PRH1: variants seen among roughly 807,000 people sequenced by gnomAD.
PRH1 encodes the protein salivary acidic proline-rich phosphoprotein 1/2.
A neutral mutation model predicts 7.9 loss-of-function variants in PRH1; 7 were observed. The ratio of observed to expected loss-of-function variants is 0.89; its 90% CI spans 0.50 to 1.67. The LOEUF is 1.67. Ranked by LOEUF, PRH1 falls within the 40% of genes most tolerant of loss-of-function variation. The pLI, the probability that PRH1 is intolerant of heterozygous loss-of-function variation, is 0.00. For synonymous variants in PRH1, 45 were observed against 80.8 expected (o/e 0.56, Z 2.38); for missense variants, 109 against 223.6 (o/e 0.49, Z 3.27).
At chr12:10,967,012 G>A in intron 2 of PRH1, among the ~76,000 whole-genome samples, 1 of 151,854 alleles carries the variant, frequency 6.6e-6, no homozygotes, top group South Asian at 2.1e-4. Flanking sequence ...CTACTTGGGA[G>A]GCTGAGGCAG....
At chr12:11,037,711 T>C (rs1343437213) in intron 1 of PRH1, among the ~76,000 whole-genome samples, 1 of 152,240 alleles carries the variant, frequency 6.6e-6, no homozygotes, top group Non-Finnish European at 1.5e-5. Context: ...GGATTTACAG[T>C]TCTTGCTTAT....
chr12:11,136,185 A>G (rs1464230393), intron 1 of PRH1, among the ~76,000 whole-genome samples: 3 of 152,188 alleles, frequency 2.0e-5, no homozygotes, highest in Non-Finnish European at 4.4e-5. Flanking sequence ...ATGCAACCCT[A>G]AACTCCATCG....
At chr12:11,108,089 C>T (rs1313008525) in intron 1 of PRH1, among the ~76,000 whole-genome samples, 3 of 152,104 alleles carry the variant, frequency 2.0e-5, no homozygotes, top group African/African-American at 7.2e-5. Context: ...AGAAAATATC[C>T]TTCAAACGTG....
At chr12:11,014,100 AT>A (rs1941184344) in intron 1 of PRH1, among the ~76,000 whole-genome samples, 1 of 152,210 alleles carries the variant, frequency 6.6e-6, no homozygotes, top group South Asian at 2.1e-4. Context: ...ATATGCCAAC[AT>A]GCGTGAATAA....
At chr12:10,909,415 C>T in intron 2 of PRH1, 1 of 699,330 alleles carries the variant, frequency 1.4e-6, no homozygotes, top group Non-Finnish European at 2.4e-6. Context: ...TTTTCTGCTC[C>T]TTCTTTCATT....
chr12:11,072,899 G>A (rs1350058257), intron 1 of PRH1, among the ~76,000 whole-genome samples: 1 of 151,418 alleles, frequency 6.6e-6, no homozygotes, highest in African/African-American at 2.4e-5. Context: ...TCTGCTCTCA[G>A]TTTAATTTAC....
intron 1 of PRH1, among the ~76,000 whole-genome samples, chr12:10,998,585 T>G (rs563780025): frequency 1.3e-5 from 2 of 152,218 alleles, no homozygotes; most frequent in East Asian, 3.9e-4. Flanking sequence ...GGAATTGCTT[T>G]CTTGTAACTT....
chr12:11,041,288 C>CAAAAAAAAAA (rs67144212), intron 1 of PRH1, among the ~76,000 whole-genome samples: 5 of 81,374 alleles, frequency 6.1e-5, no homozygotes, highest in African/African-American at 2.7e-4. Context: ...CAATGCAAAC[C>CAAAAAAAAAA]AAAAAAAAAA....
intron 2 of PRH1, among the ~76,000 whole-genome samples, chr12:10,924,026 C>T (rs1011457874): frequency 1.8e-5 from 2 of 111,248 alleles, no homozygotes; most frequent in African/African-American, 3.3e-5. Flanking sequence ...GACGGAGTCT[C>T]GCTCTGTCGC....
rs1181851593 is a variant in PRH1 at position 11,082,596 on chromosome 12, T to C, written n.124-35408A>G. The stretch of plus-strand genomic sequence containing the variant: ...GCTGGGATTACAGACATGAGCCACT[T>C]TGCCCAGCATAATTCCGATATTATT... On this transcript the variant is annotated intron_variant and non_coding_transcript_variant, in intron 1 of 4. Transcript: ENST00000541977. Among the ~76,000 whole-genome samples the C allele has an allele frequency of 1.8e-5, 2 of 113,636 alleles. 1 individual carries two copies. Among genetic ancestry groups the C allele is most frequent in the African/African-American group, 5.9e-5 (2 of 33,904 alleles). The allele number at this position is 113,636 out of a possible 152,430, so 74.5% of individuals were successfully genotyped here.
At chr12:11,021,831 T>G in intron 1 of PRH1, 1 of 1,614,274 alleles carries the variant, frequency 6.2e-7, no homozygotes, top group Non-Finnish European at 8.5e-7. Context: ...TCCAAGTTGA[T>G]GTGATTATAC....
chr12:11,110,345 G>C (rs1945551766), intron 1 of PRH1, among the ~76,000 whole-genome samples: 1 of 152,012 alleles, frequency 6.6e-6, no homozygotes, highest in African/African-American at 2.4e-5. Context: ...CTTGAGAAGA[G>C]CACCCAAAAA....
chr12:10,939,843 A>G (rs1266587697), intron 2 of PRH1, among the ~76,000 whole-genome samples: 1 of 152,152 alleles, frequency 6.6e-6, no homozygotes, highest in African/African-American at 2.4e-5. Context: ...AGTAACTTTC[A>G]AATATTCTCA....
intron 2 of PRH1, chr12:10,932,106 G>A: frequency 3.4e-6 from 1 of 293,262 alleles, no homozygotes; most frequent in South Asian, 3.0e-5. Flanking sequence ...GAGGGGGGCT[G>A]TAGAAGGGAT....
At chr12:11,134,534 A>G (rs1450298346) in intron 1 of PRH1, 4 of 349,010 alleles carry the variant, frequency 1.1e-5, no homozygotes, top group Non-Finnish European at 1.5e-5. Flanking sequence ...TCATACTGAA[A>G]TTGACATGAA....
chr12:11,007,986 T>C (rs1206170698), intron 1 of PRH1, among the ~76,000 whole-genome samples: 1 of 152,098 alleles, frequency 6.6e-6, no homozygotes, highest in Non-Finnish European at 1.5e-5. Flanking sequence ...TAGAAATACT[T>C]TGCTAAGCCA....
intron 2 of PRH1, among the ~76,000 whole-genome samples, chr12:10,889,604 A>G (rs1949542150): frequency 6.6e-6 from 1 of 152,152 alleles, no homozygotes; most frequent in Non-Finnish European, 1.5e-5. Context: ...TCCTTTTTCA[A>G]CATCAACCTC....
At chr12:11,165,338 T>C (rs1947542314) in intron 1 of PRH1, among the ~76,000 whole-genome samples, 1 of 152,156 alleles carries the variant, frequency 6.6e-6, no homozygotes, top group Non-Finnish European at 1.5e-5. Flanking sequence ...CATTTTTCTG[T>C]TTGAATAATA....
chr12:11,138,294 T>A (rs1353193645), intron 1 of PRH1, among the ~76,000 whole-genome samples: 1 of 151,876 alleles, frequency 6.6e-6, no homozygotes, highest in African/African-American at 2.4e-5. Flanking sequence ...AAATCTGTTA[T>A]CTTACTATAG....
Sources: gnomAD v4.1 joint callset for allele counts (sites outside exome capture counted in the v4.1 genomes callset) on GRCh38, gnomAD v4.1.1 for gene constraint, MANE v1.5 for transcripts, NCBI Gene and HGNC (gene_info 2026-07-23, HGNC 2026-07-21) for gene names.